Variants in PLA2G4F observed in about 807,000 individuals in gnomAD.
The protein encoded by PLA2G4F is phospholipase A2 group IVF.
PLA2G4F carries 105 observed loss-of-function variants against 103.1 expected under a neutral mutation model. The ratio of observed to expected loss-of-function variants is 1.02; its 90% confidence interval spans 0.87 to 1.20. The LOEUF (loss-of-function observed/expected upper bound fraction) is 1.20. Ranked by LOEUF, PLA2G4F falls within the 50% of genes most tolerant of loss-of-function variation. The pLI is 0.00. For missense variants in PLA2G4F, 1,155 were observed against 1,075.9 expected (o/e 1.07, Z -1.03); for synonymous variants, 468 against 441.1 (o/e 1.06, Z -0.76).
Position 42,150,651 on chromosome 15 carries a change from G to T in PLA2G4F, c.728C>A (p.Ser243Tyr), listed in dbSNP as rs1286585612. ...CTCCATCAGCTCCACGTGTAGCCTGGAGCTCAGCACTGGGTTCACGTGGAA... is the reference window on the plus strand; with the variant it reads ...CTCCATCAGCTCCACGTGTAGCCTGTAGCTCAGCACTGGGTTCACGTGGAA... Reference protein sequence around the residue: ...FTFHVNPVLSSRLHVELMELL... With the variant: ...FTFHVNPVLSYRLHVELMELL... The change falls in exon 8 of 20, where the codon TCC (serine) becomes TAC (tyrosine). Residue 243 changes from serine to tyrosine, a missense_variant. Ser to Tyr is a moderately radical substitution (Grantham distance 144). Transcript: ENST00000397272. The T allele has an allele frequency of 6.2e-7, 1 of 1,613,584 alleles. No homozygotes were observed. The highest frequency in any genetic ancestry group is 1.3e-5 in the African/African-American group (1 of 74,930).
rs780535643 is a variant in PLA2G4F, at chr15:42,144,163, T to C, written c.1976-19A>G. ...TGTGTGTCTGCAAGGAACCCATGTG[T>C]ACGCACAGGGACGAATGCAGTTACT... On this transcript the variant is annotated intron_variant, in intron 17 of 19. Coordinates refer to ENST00000397272, the MANE Select transcript of PLA2G4F (RefSeq NM_213600.4). 6 of 1,589,832 alleles carry C rather than the reference T, an allele frequency of 3.8e-6. No individual in the cohort carries two copies. Among genetic ancestry groups the C allele is most frequent in the Non-Finnish European group, 5.1e-6 (6 of 1,168,840 alleles).
At position 42,144,571 on chromosome 15, in the gene PLA2G4F, G is replaced by A; in HGVS notation, c.1854C>T (p.Phe618=). Residue 618 remains phenylalanine (F), a synonymous_variant, in exon 17 of 20, where the codon TTC becomes TTT. Transcript: ENST00000397272. ...RTRLLTPQGP[F]SQAVLDIFTS... is the part of the protein sequence containing the mutation. Reference sequence around the variant, plus strand: ...TGAATATGTCCAGCACAGCCTGGGAGAAGGGCCCCTGTGGGGTGAGGAGCC... The same window carrying A: ...TGAATATGTCCAGCACAGCCTGGGAAAAGGGCCCCTGTGGGGTGAGGAGCC... 6.2e-7 allele frequency: 1 copy of A among 1,613,394 alleles called. No homozygotes were observed. Among genetic ancestry groups the A allele is most frequent in the Non-Finnish European group, 8.5e-7 (1 of 1,179,954 alleles).
chr15:42,145,742 CCCAGCCCT>C lies in PLA2G4F; in HGVS notation c.1672+16_1672+23del, dbSNP rs2048876707. On this transcript the variant is annotated intron_variant, in intron 15 of 19. Transcript: ENST00000397272. ...GGCCTGGCCCCGGCACCTGCCTGTC[CCCAGCCCT>C]CCAGCCTCGACTCACCTTGCAGGTA... 6.2e-7 allele frequency: 1 copy of C among 1,613,784 alleles called. No homozygotes were observed. Among genetic ancestry groups the C allele is most frequent in the Admixed American group, 1.7e-5 (1 of 60,014 alleles).
In PLA2G4F at chr15:42,147,436, C is replaced by G; in HGVS notation, c.1197-90G>C. 4 of 1,404,764 alleles carry G rather than the reference C, an allele frequency of 2.8e-6. No homozygotes were observed. In the South Asian group the frequency reaches 5.0e-5, roughly 17 times the overall value. 87.0% of individuals were successfully genotyped at this position (1,404,764 alleles called of 1,614,324 possible). Reference sequence around the variant, plus strand: ...GAGTCTGTGAGTGGCCCTCCACCCCCACCACTTGCACTGCTGCCCTGCAAA... The same window carrying G: ...GAGTCTGTGAGTGGCCCTCCACCCCGACCACTTGCACTGCTGCCCTGCAAA... On this transcript the variant is annotated intron_variant, in intron 12 of 19. Transcript: ENST00000397272.
At chr15:42,153,455 G>C (rs929853655) in intron 5 of PLA2G4F, 113 bp from the exon 6 acceptor site, 19 of 1,493,962 alleles carry the variant, frequency 1.3e-5, no homozygotes, top group South Asian at 5.9e-5. Context: ...GCAGGGTTTG[G>C]AGTGGGGCGA....
At position 42,145,580 on chromosome 15, in the gene PLA2G4F, A is replaced by T; in HGVS notation, c.1775T>A (p.Ile592Asn). Residue 592 changes from isoleucine to asparagine, a missense_variant, in exon 16 of 20, where the codon ATC (isoleucine) becomes AAC (asparagine). By Grantham distance (149) the Ile-to-Asn change is moderately radical. Around this residue, in one of 3 missense-constraint regions of PLA2G4F, gnomAD observed 782 missense variants for 692.9 expected, o/e 1.13. Coordinates refer to ENST00000397272, the MANE Select transcript of PLA2G4F (RefSeq NM_213600.4). ...FLEWYRGSVN[I>N]TDDCQKPQLH... ...CTCGGGGTCGCTACCCTCACCTGTG[A>T]TATTCACACTGCCTCTGTACCACTC... 1 of 1,613,912 alleles carries T rather than the reference A, an allele frequency of 6.2e-7. No individual in the cohort carries two copies. Among genetic ancestry groups the T allele is most frequent in the South Asian group, 1.1e-5 (1 of 91,062 alleles).
In PLA2G4F at chr15:42,141,454, A is replaced by T. The variant is rs2048826081; in HGVS notation, c.*530T>A. On this transcript the variant is annotated 3_prime_UTR_variant, in exon 20 of 20. Coordinates refer to ENST00000397272, the MANE Select transcript of PLA2G4F (RefSeq NM_213600.4). ...GTTAGGATGATGGAGTCAGCAACAT[A>T]GGCTGGCCATCCCCTCAGCCCCTCA... The T allele has an allele frequency of 2.3e-6, 1 of 443,238 alleles. No homozygotes were observed. Among genetic ancestry groups the T allele is most frequent in the Middle Eastern group, 4.6e-4 (1 of 2,192 alleles). The allele number at this position is 443,238 out of a possible 1,614,324, so 27.5% of individuals were successfully genotyped here.
At chr15:42,142,296 T>C in intron 19 of PLA2G4F, 92 bp from the exon 20 acceptor site, 1 of 1,317,056 alleles carries the variant, frequency 7.6e-7, no homozygotes, top group Non-Finnish European at 1.0e-6. Flanking sequence ...GCAGGACACC[T>C]GGCTGGCTCC....
chr15:42,143,848 G>A lies in PLA2G4F; in HGVS notation c.2142+130C>T, dbSNP rs1038631148. ...TCACACACAGAGTGGAACCCAGGCC[G>A]TCCACAAAGGGCAATCCCCACACAC... On this transcript the variant is annotated intron_variant, in intron 18 of 19. Coordinates refer to ENST00000397272, the MANE Select transcript of PLA2G4F (RefSeq NM_213600.4). 3.9e-5 allele frequency: 49 copies of A among 1,241,900 alleles called. 1 individual carries two copies. The highest frequency in any genetic ancestry group is 2.8e-4 in the Middle Eastern group (1 of 3,634). The allele number at this position is 1,241,900 out of a possible 1,614,324, so 76.9% of individuals were successfully genotyped here.
chr15:42,150,342 G>T lies in PLA2G4F; in HGVS notation c.885+31C>A, dbSNP rs779123632. The T allele has an allele frequency of 3.8e-6, 6 of 1,578,246 alleles. No homozygotes were observed. The East Asian group carries it at 6.8e-5, about 18-fold the overall frequency. On this transcript the variant is annotated intron_variant, in intron 9 of 19. Transcript: ENST00000397272. ...CTTGGTGGTCACAGAGAGCAGGCAG[G>T]GGTCCCTCTGGCACCCAGACAGAGC...
intron 7 of PLA2G4F, 103 bp downstream of exon 7, chr15:42,152,585 T>C (rs2048971644): frequency 8.2e-7 from 1 of 1,219,140 alleles, no homozygotes; most frequent in Non-Finnish European, 1.2e-6. Context: ...CTTTGAGCAA[T>C]GAAAACTTTA....
At chr15:42,152,541 C>A in intron 7 of PLA2G4F, 147 bp downstream of exon 7, 2 of 834,988 alleles carry the variant, frequency 2.4e-6, no homozygotes, top group Non-Finnish European at 4.0e-6. Flanking sequence ...TTGTTCACTG[C>A]CTCCAGTGAA....
At chr15:42,154,487 C>T in intron 2 of PLA2G4F, 29 bp from the exon 3 acceptor site, 4 of 1,526,964 alleles carry the variant, frequency 2.6e-6, no homozygotes, top group East Asian at 4.6e-5. Context: ...GGGGCCGGGG[C>T]CTCAAGCTCT....
At chr15:42,149,968 C>T (rs1000176675) in intron 10 of PLA2G4F, 120 bp from the exon 11 acceptor site, 6 of 1,529,614 alleles carry the variant, frequency 3.9e-6, no homozygotes, top group Non-Finnish European at 5.4e-6. Context: ...CCCACCAGCA[C>T]CAGAACCAGG....
intron 4 of PLA2G4F, 32 bp downstream of exon 4, chr15:42,154,060 G>C: frequency 6.2e-7 from 1 of 1,613,492 alleles, no homozygotes; most frequent in Non-Finnish European, 8.5e-7. Context: ...CCCTCCTCCA[G>C]CTGGGCTCTC....
chr15:42,143,849 T>TC, intron 18 of PLA2G4F, 129 bp downstream of exon 18: 1 of 1,256,878 alleles, frequency 8.0e-7, no homozygotes, highest in African/African-American at 1.5e-5. Flanking sequence ...ACCCAGGCCG[T>TC]CCACAAAGGG....
rs1392428372 is a variant in PLA2G4F, at chr15:42,156,634, A to C, written c.-85T>G. The C allele has an allele frequency of 3.4e-5, 33 of 965,944 alleles. No homozygotes were observed. Among genetic ancestry groups the C allele is most frequent in the Non-Finnish European group, 5.0e-5 (33 of 657,766 alleles). The allele number at this position is 965,944 out of a possible 1,614,324, so 59.8% of individuals were successfully genotyped here. A position where few individuals can be genotyped will look rare whatever the true frequency, so the allele number is the denominator to read the frequency against. On this transcript the variant is annotated 5_prime_UTR_variant, in exon 1 of 20. Transcript: ENST00000397272. ...TGCTGGCTCAGGTGTGACAGGCAGC[A>C]CTGAGTTGGGAGGGTGGAGCTGCCT...
intron 7 of PLA2G4F, 124 bp from the exon 8 acceptor site, chr15:42,150,901 A>G: frequency 1.4e-6 from 2 of 1,475,948 alleles, no homozygotes; most frequent in Non-Finnish European, 1.8e-6. Flanking sequence ...GCCAGCTCTT[A>G]TCGCCCGCTC....
Position 42,143,836 on chromosome 15 carries a change from G to A in PLA2G4F, c.2142+142C>T, listed in dbSNP as rs533929627. 108 of 1,111,432 alleles carry A rather than the reference G, an allele frequency of 9.7e-5. No homozygotes were observed. In the Admixed American group the frequency reaches 1.5e-3, roughly 15 times the overall value. 68.8% of individuals were successfully genotyped at this position (1,111,432 alleles called of 1,614,324 possible). On this transcript the variant is annotated intron_variant, in intron 18 of 19. Transcript: ENST00000397272. ...AAGGCAGCTCCCTCACACACAGAGT[G>A]GAACCCAGGCCGTCCACAAAGGGCA... is the stretch of plus-strand genomic sequence containing the variant.
Sources: gnomAD v4.1 joint callset for allele counts on GRCh38, gnomAD v4.1.1 for gene constraint, gnomAD v4.1.1 regional missense constraint, MANE v1.5 for transcripts, NCBI Gene and HGNC (gene_info 2026-07-23, HGNC 2026-07-21) for gene names.